The following LGR6 variants were observed in gnomAD, a reference collection of about 807,000 sequenced individuals.
LGR6 encodes the protein leucine rich repeat containing G protein-coupled receptor 6, also known as leucine-rich repeat-containing G protein-coupled receptor 6.
In LGR6, 45 loss-of-function variants were observed where a neutral mutation model predicts 69.4. The observed-to-expected ratio is 0.65, with a 90% CI of 0.51 to 0.83. The LOEUF (loss-of-function observed/expected upper bound fraction) is 0.83, where lower values mean the gene tolerates loss of function less well. Among genes scored for constraint, LGR6 ranks in the 40% least tolerant of loss-of-function variants. The pLI, the probability that LGR6 is intolerant of heterozygous loss-of-function variation, is 0.00. For synonymous variants in LGR6, 538 were observed against 555.0 expected, an observed-to-expected ratio of 0.97 and a Z score of 0.43; for missense variants, 1,108 against 1,246.7, an observed-to-expected ratio of 0.89 and a Z score of 1.68.
intron 6 of LGR6, among the ~76,000 whole-genome samples, chr1:202,281,511 C>G (rs1666004209): frequency 6.6e-6 from 1 of 152,214 alleles, no homozygotes; most frequent in African/African-American, 2.4e-5. Flanking sequence ...AGTCCCCACA[C>G]AGTGGGCTGA....
At chr1:202,199,404 G>C (rs763875924) in intron 1 of LGR6, among the ~76,000 whole-genome samples, 2 of 152,152 alleles carry the variant, frequency 1.3e-5, no homozygotes, top group Non-Finnish European at 1.5e-5. Flanking sequence ...GTGAATGTGT[G>C]GGGGAGCCAA....
intron 3 of LGR6, among the ~76,000 whole-genome samples, chr1:202,231,910 T>C (rs1466818619): frequency 6.6e-6 from 1 of 152,076 alleles, no homozygotes; most frequent in Non-Finnish European, 1.5e-5. Flanking sequence ...CTGGCCAACT[T>C]GGTGAAAGCC....
At position 202,309,121 on chromosome 1, in the gene LGR6, A is replaced by C. The variant is rs770511306; in HGVS notation, c.1351A>C (p.Lys451Gln). Residue 451 changes from lysine to glutamine, a missense_variant, in exon 15 of 18, where the codon AAA (lysine) becomes CAA (glutamine). Lys to Gln is a moderately conservative substitution (Grantham distance 53). Transcript: ENST00000367278. The stretch of plus-strand genomic sequence containing the variant: ...TGGGGGCTTGATGCATCTGAAGCTC[A>C]AAGGGAACCTTGCTCTCTCCCAGGC... ...GLGGLMHLKL[K>Q]GNLALSQAFS... 1.9e-6 allele frequency: 3 copies of C among 1,614,136 alleles called. No homozygotes were observed. The highest frequency in any genetic ancestry group is 3.3e-5 in the Admixed American group (2 of 60,028).
At chr1:202,234,189 C>G (rs1489305456) in intron 3 of LGR6, among the ~76,000 whole-genome samples, 3 of 152,248 alleles carry the variant, frequency 2.0e-5, no homozygotes, top group African/African-American at 7.2e-5. Context: ...TCTGCCCCTT[C>G]CTGCAGCCAG....
chr1:202,225,459 T>C lies in LGR6; in HGVS notation c.249T>C (p.Pro83=). 5.0e-6 allele frequency: 8 copies of C among 1,614,022 alleles called. No homozygotes were observed. The highest frequency in any genetic ancestry group is 6.8e-6 in the Non-Finnish European group (8 of 1,179,904). Residue 83 remains proline, a synonymous_variant, in exon 2 of 18, where the codon CCT becomes CCC. Transcript: ENST00000367278. Reference sequence around the variant, plus strand: ...TGAACAACCTCACAGAGCTTCAGCCTGGCCTCTTCCACCACCTGCGCTTCT... The same window carrying C: ...TGAACAACCTCACAGAGCTTCAGCCCGGCCTCTTCCACCACCTGCGCTTCT... The part of the protein sequence containing the change: ...LSMNNLTELQ[P]GLFHHLRFLE...
chr1:202,275,262 C>G (rs1364732710), intron 4 of LGR6, among the ~76,000 whole-genome samples: 1 of 152,118 alleles, frequency 6.6e-6, no homozygotes, highest in African/African-American at 2.4e-5. Flanking sequence ...ATAGGAAAGT[C>G]CAGCAATAGA....
chr1:202,211,750 A>G (rs2147915237), intron 1 of LGR6, among the ~76,000 whole-genome samples: 2 of 152,258 alleles, frequency 1.3e-5, no homozygotes, highest in Non-Finnish European at 2.9e-5. Flanking sequence ...TCCATAAGCA[A>G]ATACACTTGT....
intron 1 of LGR6, among the ~76,000 whole-genome samples, chr1:202,219,694 A>G (rs1660019254): frequency 1.3e-5 from 2 of 152,112 alleles, no homozygotes; most frequent in Admixed American, 6.5e-5. Context: ...TTTATTGAGC[A>G]CCCCATTTGC....
At chr1:202,203,600 C>T (rs1329889343) in intron 1 of LGR6, 2 of 565,418 alleles carry the variant, frequency 3.5e-6, no homozygotes, top group Non-Finnish European at 6.4e-6. Context: ...GGATTGAATG[C>T]TTGCCCTCTT....
chr1:202,308,926 C>A, intron 14 of LGR6, 125 bp from the exon 15 acceptor site: 1 of 1,176,688 alleles, frequency 8.5e-7, no homozygotes, highest in South Asian at 1.5e-5. Flanking sequence ...TTCTAAGCTT[C>A]TCTCCTGTCC....
At position 202,314,828 on chromosome 1, in the gene LGR6, C is replaced by T; in HGVS notation, c.1594C>T (p.Leu532=). The T allele has an allele frequency of 6.2e-7, 1 of 1,614,016 alleles. No individual in the cohort carries two copies. The highest frequency in any genetic ancestry group is 8.5e-7 in the Non-Finnish European group (1 of 1,179,942). ...TGACCAGGACCTGGATGAGCTCCAG[C>T]TGGAGATGGAGGACTCAAAGCCACA... ...HYDQDLDELQ[L]EMEDSKPHPS... The change falls in exon 17 of 18, where the codon CTG becomes TTG. Residue 532 remains leucine, a synonymous_variant. Transcript: ENST00000367278.
chr1:202,245,607 T>G (rs1185188785), intron 4 of LGR6, among the ~76,000 whole-genome samples: 1 of 152,136 alleles, frequency 6.6e-6, no homozygotes. Flanking sequence ...TCCTGCCCTC[T>G]GCGCCCCACA....
intron 1 of LGR6, among the ~76,000 whole-genome samples, chr1:202,200,896 C>G (rs1016001154): frequency 7.2e-5 from 11 of 152,190 alleles, no homozygotes; most frequent in Non-Finnish European, 1.6e-4. Flanking sequence ...CCAGAGCAGG[C>G]CATGGGCAGG....
At chr1:202,314,259 C>T (rs1369873903) in intron 16 of LGR6, among the ~76,000 whole-genome samples, 1 of 152,200 alleles carries the variant, frequency 6.6e-6, no homozygotes, top group Non-Finnish European at 1.5e-5. Context: ...ATGATACCCC[C>T]ACTTACTCTT....
intron 4 of LGR6, among the ~76,000 whole-genome samples, chr1:202,263,714 C>G (rs1416905194): frequency 6.6e-6 from 1 of 152,070 alleles, no homozygotes; most frequent in East Asian, 1.9e-4. Flanking sequence ...GAGTTTTAAG[C>G]AGAGCTTTGA....
At chr1:202,279,309 A>C (rs1207049032) in intron 5 of LGR6, among the ~76,000 whole-genome samples, 2 of 152,210 alleles carry the variant, frequency 1.3e-5, no homozygotes, top group Admixed American at 6.5e-5. Context: ...TTCATGGAGC[A>C]GGTGGGTAAG....
intron 2 of LGR6, among the ~76,000 whole-genome samples, chr1:202,227,433 C>G (rs1479362048): frequency 6.6e-6 from 1 of 152,170 alleles, no homozygotes; most frequent in Admixed American, 6.5e-5. Flanking sequence ...TTACACCACC[C>G]CATTTCCTTA....
At chr1:202,224,569 A>G (rs771029625) in intron 1 of LGR6, among the ~76,000 whole-genome samples, 1 of 152,022 alleles carries the variant, frequency 6.6e-6, no homozygotes, top group Non-Finnish European at 1.5e-5. Context: ...AGTGTGGGGG[A>G]TGGTTTCGGG....
chr1:202,215,811 G>A (rs943580520), intron 1 of LGR6, among the ~76,000 whole-genome samples: 2 of 152,232 alleles, frequency 1.3e-5, no homozygotes, highest in African/African-American at 4.8e-5. Context: ...CAGCCTGTCT[G>A]GGGAGACCAG....
Sources: gnomAD v4.1 joint callset for allele counts (sites outside exome capture counted in the v4.1 genomes callset) on GRCh38, gnomAD v4.1.1 for gene constraint, MANE v1.5 for transcripts, NCBI Gene and HGNC (gene_info 2026-07-23, HGNC 2026-07-21) for gene names.